PCLO: variants seen among roughly 807,000 people sequenced by gnomAD.
PCLO encodes the protein protein piccolo.
PCLO carries 82 observed loss-of-function variants against 427.5 expected under a neutral mutation model. The ratio of observed to expected loss-of-function variants is 0.19; its 90% CI spans 0.16 to 0.23. The LOEUF is 0.23. PCLO is among the 10% of genes least tolerant of loss of function. The pLI is 1.00. For missense variants in PCLO, 6,239 were observed against 6,115.9 expected, an observed-to-expected ratio of 1.02 and a Z score of -0.67; for synonymous variants, 2,357 against 2,155.4, an observed-to-expected ratio of 1.09 and a Z score of -2.59.
chr7:82,834,209 T>C (rs1030910663), intron 16 of PCLO, among the ~76,000 whole-genome samples: 1 of 152,142 alleles, frequency 6.6e-6, no homozygotes, highest in Non-Finnish European at 1.5e-5. Flanking sequence ...CAAGTTTCTA[T>C]ATATAAAAGA....
chr7:83,039,345 AG>A (rs980607814), intron 3 of PCLO, among the ~76,000 whole-genome samples: 9 of 151,976 alleles, frequency 5.9e-5, no homozygotes, highest in Non-Finnish European at 1.2e-4. Flanking sequence ...TTCAAGTTTT[AG>A]CTCTTATATT....
intron 23 of PCLO, 120 bp from the exon 24 acceptor site, chr7:82,760,904 G>T: frequency 3.3e-6 from 1 of 298,560 alleles, no homozygotes. Flanking sequence ...GATTGTAAAC[G>T]ATTTGTTTCA....
intron 22 of PCLO, among the ~76,000 whole-genome samples, chr7:82,791,680 A>G (rs1442093770): frequency 6.6e-6 from 1 of 152,064 alleles, no homozygotes. Context: ...TATCTGTAAA[A>G]CTGGTTCCTT....
chr7:83,152,028 G>A (rs1048923462), intron 2 of PCLO, among the ~76,000 whole-genome samples: 1 of 151,520 alleles, frequency 6.6e-6, no homozygotes, highest in South Asian at 2.1e-4. Context: ...GCAGTGGCGT[G>A]ATCTTGGCTC....
intron 21 of PCLO, among the ~76,000 whole-genome samples, chr7:82,805,121 A>G (rs780272489): frequency 2.0e-5 from 3 of 150,826 alleles, no homozygotes; most frequent in Non-Finnish European, 2.9e-5. Context: ...ATTATGAGTG[A>G]TTCTTATTCC....
chr7:83,022,043 A>G (rs1990068), intron 3 of PCLO, among the ~76,000 whole-genome samples: 54,021 of 151,968 alleles, frequency 0.36, 11,387 homozygotes, highest in East Asian at 0.78. Context: ...GCCAAAATCT[A>G]ACCCACAAAA....
Position 82,954,751 on chromosome 7 carries a change from G to A in PCLO, c.6202C>T (p.Leu2068Phe), listed in dbSNP as rs747932590. Reference protein sequence around the residue: ...LLDADAAYEELMKRQQMQLTP... With the variant: ...LLDADAAYEEFMKRQQMQLTP... ...AATTGCATCTGTTGCCTCTTCATAA[G>A]TTCTTCATAGGCAGCATCAGCATCT... The change falls in exon 5 of 25, where the codon CTT (leucine) becomes TTT (phenylalanine). Residue 2068 changes from leucine to phenylalanine, a missense_variant. Coordinates refer to ENST00000333891, the MANE Select transcript of PCLO (RefSeq NM_033026.6). The A allele has an allele frequency of 3.7e-6, 6 of 1,613,710 alleles. No homozygotes were observed. In the African/African-American group the frequency reaches 5.3e-5, roughly 14 times the overall value.
chr7:83,096,203 A>G (rs140447818), intron 3 of PCLO, among the ~76,000 whole-genome samples: 270 of 152,176 alleles, frequency 1.8e-3, no homozygotes, highest in African/African-American at 6.2e-3. Context: ...CTTTTGAAAC[A>G]TTTGCCTAGC....
intron 14 of PCLO, 25 bp downstream of exon 14, chr7:82,841,434 G>A (rs1181144485): frequency 1.3e-6 from 2 of 1,508,066 alleles, no homozygotes; most frequent in Admixed American, 1.7e-5. Flanking sequence ...GTTATATAAT[G>A]GCGACTTTTT....
In PCLO at chr7:82,754,708, T is replaced by C. The variant is rs558093649; in HGVS notation, c.*3867A>G. The C allele has an allele frequency of 6.6e-6, 1 of 152,194 alleles. No individual in the cohort carries two copies. Among genetic ancestry groups the C allele is most frequent in the South Asian group, 2.1e-4 (1 of 4,822 alleles). 9.4% of individuals were successfully genotyped at this position (152,194 alleles called of 1,614,324 possible). A position where few individuals can be genotyped will look rare whatever the true frequency, so the allele number is the denominator to read the frequency against. On this transcript the variant is annotated 3_prime_UTR_variant, in exon 25 of 25. Transcript: ENST00000333891. ...AACATGAAACATACAGAAAACAGCA[T>C]TGTATCATATTCAATGAGAATATTT...
intron 3 of PCLO, among the ~76,000 whole-genome samples, chr7:83,076,162 A>C (rs576550776): frequency 6.6e-6 from 1 of 151,572 alleles, no homozygotes; most frequent in Non-Finnish European, 1.5e-5. Flanking sequence ...CAAGTCTCCT[A>C]TAACAGTTCA....
intron 22 of PCLO, among the ~76,000 whole-genome samples, chr7:82,787,535 T>C (rs1159776454): frequency 6.6e-6 from 1 of 152,088 alleles, no homozygotes; most frequent in Non-Finnish European, 1.5e-5. Flanking sequence ...AAATACTTTA[T>C]TAAGAAAACT....
At chr7:83,120,808 T>C (rs919066419) in intron 3 of PCLO, among the ~76,000 whole-genome samples, 1 of 152,128 alleles carries the variant, frequency 6.6e-6, no homozygotes, top group Admixed American at 6.5e-5. Flanking sequence ...ATTTCATCCA[T>C]ACCAGACCTG....
At position 83,156,071 on chromosome 7, in the gene PCLO, G is replaced by T; in HGVS notation, c.570C>A (p.Thr190=). ...SDSEASQEET[T]KKQKVVQKEQ... ...CCTTCTGAACCACTTTTTGTTTCTT[G>T]GTGGTTTCTTCCTGGGATGCCTCAG... Residue 190 remains threonine (T), a synonymous_variant, in exon 2 of 25, where the codon ACC becomes ACA. Transcript: ENST00000333891. The T allele has an allele frequency of 1.2e-6, 2 of 1,613,384 alleles. No individual in the cohort carries two copies. Among genetic ancestry groups the T allele is most frequent in the Non-Finnish European group, 1.7e-6 (2 of 1,179,740 alleles).
chr7:83,161,431 G>A (rs955939828), intron 1 of PCLO, among the ~76,000 whole-genome samples: 2 of 152,128 alleles, frequency 1.3e-5, no homozygotes, highest in African/African-American at 4.8e-5. Context: ...CAGTAAGAAA[G>A]GCAAGGCAGG....
At chr7:82,783,096 C>T (rs530500659) in intron 22 of PCLO, among the ~76,000 whole-genome samples, 1 of 152,296 alleles carries the variant, frequency 6.6e-6, no homozygotes, top group Admixed American at 6.5e-5. Flanking sequence ...CCTTATAGAA[C>T]AACCTGAGAA....
chr7:83,024,538 C>G (rs1039936304), intron 3 of PCLO, among the ~76,000 whole-genome samples: 1 of 152,136 alleles, frequency 6.6e-6, no homozygotes, highest in East Asian at 1.9e-4. Context: ...GAGGGGCGCC[C>G]GCCATTGCCC....
rs900975185 is a variant in PCLO, at chr7:82,949,517, C to T, written c.11071G>A (p.Glu3691Lys). ...DPKPLSPTAD[E>K]SSRAPFQYTE... ...TACTGAAAAGGAGCCCTGGAACTTTCGTCTGCTGTTGGACTCAGAGGCTTG... is the reference window on the plus strand; with the variant it reads ...TACTGAAAAGGAGCCCTGGAACTTTTGTCTGCTGTTGGACTCAGAGGCTTG... Residue 3691 changes from glutamate (E) to lysine (K), a missense_variant, in exon 6 of 25, where the codon GAA becomes AAA. This residue lies in a region of PCLO where 4,677 missense variants were observed against 4,468.4 expected (regional missense o/e 1.05). Coordinates refer to ENST00000333891, the MANE Select transcript of PCLO (RefSeq NM_033026.6). 6.2e-7 allele frequency: 1 copy of T among 1,611,284 alleles called. No homozygotes were observed. The highest frequency in any genetic ancestry group is 8.5e-7 in the Non-Finnish European group (1 of 1,178,750).
At chr7:82,848,268 C>T (rs1305281531) in intron 10 of PCLO, among the ~76,000 whole-genome samples, 1 of 128,684 alleles carries the variant, frequency 7.8e-6, no homozygotes, top group Non-Finnish European at 1.6e-5. Context: ...AGAAAAATGT[C>T]TATATACCAC....
Sources: allele counts gnomAD v4.1 joint callset (sites outside exome capture counted in the v4.1 genomes callset), GRCh38; gene constraint gnomAD v4.1.1; regional missense constraint gnomAD v4.1.1; transcripts MANE v1.5; gene names NCBI Gene and HGNC (gene_info 2026-07-23, HGNC 2026-07-21).